Variants in CCDC102B observed in about 807,000 individuals in gnomAD.
The protein encoded by CCDC102B is coiled-coil domain-containing protein 102B.
In CCDC102B, 75 loss-of-function variants were observed where a neutral mutation model predicts 57.4. The ratio of observed to expected loss-of-function variants is 1.31; its 90% CI spans 1.08 to 1.58. CCDC102B has a LOEUF of 1.58. CCDC102B is among the 40% of genes most tolerant of loss of function. The probability of loss-of-function intolerance (pLI) is 0.00; values close to 1 mark genes in which losing one functional copy is unlikely to be tolerated. For synonymous variants in CCDC102B, 206 were observed against 201.9 expected, an observed-to-expected ratio of 1.02 and a Z score of -0.17; for missense variants, 636 against 582.6, an observed-to-expected ratio of 1.09 and a Z score of -0.94.
At chr18:68,857,370 T>A (rs1305357114) in intron 4 of CCDC102B, among the ~76,000 whole-genome samples, 1 of 111,136 alleles carries the variant, frequency 9.0e-6, no homozygotes, top group Non-Finnish European at 1.7e-5. Context: ...TATTTATTTC[T>A]ATATATAAAT....
intron 6 of CCDC102B, among the ~76,000 whole-genome samples, chr18:68,958,767 C>G (rs542436180): frequency 2.0e-5 from 3 of 152,146 alleles, no homozygotes; most frequent in African/African-American, 7.2e-5. Context: ...TCTGTTTGTT[C>G]AACTCTGCTG....
upstream of CCDC102B, among the ~76,000 whole-genome samples, chr18:68,796,603 T>C (rs2035636597): frequency 6.6e-6 from 1 of 151,968 alleles, no homozygotes; most frequent in South Asian, 2.1e-4. Flanking sequence ...ATATGTAGAT[T>C]TATCTAAGAA....
At chr18:68,878,197 G>A (rs2039525680) in intron 5 of CCDC102B, among the ~76,000 whole-genome samples, 1 of 152,068 alleles carries the variant, frequency 6.6e-6, no homozygotes, top group Non-Finnish European at 1.5e-5. Flanking sequence ...CCTGGGCTCA[G>A]GCAATTCTCT....
At chr18:68,897,019 A>G (rs2040266134) in intron 5 of CCDC102B, among the ~76,000 whole-genome samples, 200 bp from the exon 6 acceptor site, 1 of 152,106 alleles carries the variant, frequency 6.6e-6, no homozygotes, top group South Asian at 2.1e-4. Context: ...CAAGAGGAAA[A>G]GTATATTTAT....
chr18:69,000,466 A>G (rs2051170578), intron 6 of CCDC102B, among the ~76,000 whole-genome samples: 1 of 152,208 alleles, frequency 6.6e-6, no homozygotes, highest in African/African-American at 2.4e-5. Context: ...TGATATGACT[A>G]TATACGTATA....
chr18:68,784,241 G>A (rs1288275848), intron 2 of CCDC102B, among the ~76,000 whole-genome samples: 1 of 152,152 alleles, frequency 6.6e-6, no homozygotes, highest in Non-Finnish European at 1.5e-5. Context: ...GCAGCGCTCA[G>A]AAAAGCTTCC....
intron 6 of CCDC102B, among the ~76,000 whole-genome samples, chr18:68,956,339 AAT>A (rs1491183411): frequency 3.6e-5 from 3 of 83,348 alleles, no homozygotes; most frequent in Non-Finnish European, 6.9e-5. Flanking sequence ...TATTATATAT[AAT>A]ATATATATTA....
intron 2 of CCDC102B, among the ~76,000 whole-genome samples, chr18:68,770,975 A>G (rs936413532): frequency 6.6e-6 from 1 of 152,266 alleles, no homozygotes; most frequent in African/African-American, 2.4e-5. Context: ...CCTGAAAGAA[A>G]CAGAAGTTCA....
rs116392415 is a variant in CCDC102B at position 68,950,877 on chromosome 18, C to T, written c.1263+53449C>T. On this transcript the variant is annotated intron_variant, in intron 6 of 7. Coordinates refer to ENST00000360242, the MANE Select transcript of CCDC102B (RefSeq NM_024781.3). ...GTGGTATTTTTTTTTGAGAATTAAACGTGACAATGACAAACTGTGGATGTA... is the reference window on the plus strand; with the variant it reads ...GTGGTATTTTTTTTTGAGAATTAAATGTGACAATGACAAACTGTGGATGTA... Among the ~76,000 whole-genome samples, 993 of 151,884 alleles carry T rather than the reference C, an allele frequency of 6.5e-3. 9 individuals carry two copies. Among genetic ancestry groups the T allele is most frequent in the African/African-American group, 0.023 (951 of 41,456 alleles).
At chr18:68,842,802 C>T (rs1011282270) in intron 3 of CCDC102B, among the ~76,000 whole-genome samples, 1 of 152,154 alleles carries the variant, frequency 6.6e-6, no homozygotes, top group African/African-American at 2.4e-5. Context: ...GTGTTCCTGG[C>T]TGCATGTATT....
chr18:68,827,506 A>T (rs1007481722), intron 1 of CCDC102B, among the ~76,000 whole-genome samples: 1 of 152,064 alleles, frequency 6.6e-6, no homozygotes, highest in African/African-American at 2.4e-5. Context: ...AAACTAAAAA[A>T]TACTGTACAT....
At chr18:68,863,147 A>G (rs1355677827) in intron 4 of CCDC102B, among the ~76,000 whole-genome samples, 1 of 149,312 alleles carries the variant, frequency 6.7e-6, no homozygotes, top group Non-Finnish European at 1.5e-5. Flanking sequence ...AAGGGCAGAC[A>G]TCTTGATTGG....
chr18:68,814,034 A>G (rs1055836711), intron 1 of CCDC102B, among the ~76,000 whole-genome samples: 1 of 152,036 alleles, frequency 6.6e-6, no homozygotes, highest in African/African-American at 2.4e-5. Context: ...CTGAAAGGAT[A>G]GTGGTGCCTT....
intron 7 of CCDC102B, among the ~76,000 whole-genome samples, chr18:69,046,880 A>G (rs1346825082): frequency 6.6e-6 from 1 of 151,966 alleles, no homozygotes; most frequent in African/African-American, 2.4e-5. Context: ...CATTTTTGTC[A>G]GCTTTGTTGA....
At chr18:68,905,629 C>A (rs1394630230) in intron 6 of CCDC102B, among the ~76,000 whole-genome samples, 1 of 151,860 alleles carries the variant, frequency 6.6e-6, no homozygotes, top group Non-Finnish European at 1.5e-5. Flanking sequence ...ACTTTCATCA[C>A]CCTATAAGGA....
chr18:68,880,414 A>G (rs1208696793), intron 5 of CCDC102B, among the ~76,000 whole-genome samples: 166 of 152,080 alleles, frequency 1.1e-3, no homozygotes, highest in African/African-American at 3.9e-3. Context: ...AGCCGGCTCC[A>G]GCCTTGGCCA....
chr18:68,767,904 T>C (rs904408818), intron 2 of CCDC102B, among the ~76,000 whole-genome samples: 1 of 152,254 alleles, frequency 6.6e-6, no homozygotes, highest in African/African-American at 2.4e-5. Context: ...GAATGAAGAA[T>C]TAAAATTTGG....
chr18:68,730,576 A>G (rs1291602887), intron 2 of CCDC102B, among the ~76,000 whole-genome samples: 2 of 152,204 alleles, frequency 1.3e-5, no homozygotes, highest in Non-Finnish European at 2.9e-5. Context: ...TACTCAAGAT[A>G]AGCAATTGAC....
intron 6 of CCDC102B, among the ~76,000 whole-genome samples, chr18:68,933,608 G>C (rs1186216862): frequency 6.6e-6 from 1 of 151,772 alleles, no homozygotes; most frequent in Non-Finnish European, 1.5e-5. Context: ...AATTTCCTTA[G>C]ATTGCTCGAT....
Sources: gnomAD v4.1 joint callset for allele counts (sites outside exome capture counted in the v4.1 genomes callset) on GRCh38, gnomAD v4.1.1 for gene constraint, MANE v1.5 for transcripts, NCBI Gene and HGNC (gene_info 2026-07-23, HGNC 2026-07-21) for gene names.